MKS1: variants seen among roughly 807,000 people sequenced by gnomAD.
The protein encoded by MKS1 is tectonic-like complex member MKS1.
Under a neutral mutation model 83.7 loss-of-function variants are expected in MKS1, and 70 were observed. That is an observed-to-expected ratio of 0.84 (90% CI 0.69 to 1.02). The LOEUF (loss-of-function observed/expected upper bound fraction) is 1.02. MKS1 is among the 50% of genes least tolerant of loss of function. MKS1 has a pLI of 0.00. For missense variants in MKS1, 681 were observed against 726.9 expected, an observed-to-expected ratio of 0.94 and a Z score of 0.73; for synonymous variants, 251 against 273.4, an observed-to-expected ratio of 0.92 and a Z score of 0.81.
Position 58,207,886 on chromosome 17 carries a change from G to A in MKS1, c.1273+8C>T. Reference sequence around the variant, plus strand: ...GTGGGCCACAGAAGGGCAGAGACGAGCGGTTACCTGGAGTGGCAGGCAGCA... The same window carrying A: ...GTGGGCCACAGAAGGGCAGAGACGAACGGTTACCTGGAGTGGCAGGCAGCA... On this transcript the variant is annotated splice_region_variant and intron_variant, in intron 14 of 17. Coordinates refer to ENST00000393119, the MANE Select transcript of MKS1 (RefSeq NM_017777.4). 2 of 1,611,522 alleles carry A rather than the reference G, an allele frequency of 1.2e-6. No homozygotes were observed. Among genetic ancestry groups the A allele is most frequent in the Non-Finnish European group, 8.5e-7 (1 of 1,177,708 alleles).
Position 58,214,285 on chromosome 17 carries a change from G to A in MKS1, c.618C>T (p.Ile206=). The A allele has an allele frequency of 6.2e-7, 1 of 1,614,192 alleles. No homozygotes were observed. Among genetic ancestry groups the A allele is most frequent in the Non-Finnish European group, 8.5e-7 (1 of 1,180,036 alleles). ...VINTPLQTMH[I]MADLGPYKKL... is the part of the protein sequence containing the mutation. ...TTTTATAGGGCCCCAGGTCTGCCAT[G>A]ATGTGCATTGTCTGAAGAGGGGTGT... Residue 206 remains isoleucine, a synonymous_variant, in exon 6 of 18, where the codon ATC becomes ATT. Coordinates refer to ENST00000393119, the MANE Select transcript of MKS1 (RefSeq NM_017777.4).
intron 4 of MKS1, 120 bp from the exon 5 acceptor site, chr17:58,214,958 A>G: frequency 6.8e-7 from 1 of 1,474,780 alleles, no homozygotes; most frequent in Non-Finnish European, 9.1e-7. Context: ...AGGTTCCGCC[A>G]CCTCACAATT....
chr17:58,215,011 A>G (rs1250127200), intron 4 of MKS1, 173 bp from the exon 5 acceptor site: 16 of 966,686 alleles, frequency 1.7e-5, no homozygotes, highest in Non-Finnish European at 2.3e-5. Context: ...AACCCAAAGA[A>G]GATTTCTACC....
Position 58,214,290 on chromosome 17 carries a change from G to A in MKS1, c.613C>T (p.His205Tyr), listed in dbSNP as rs2143804286. Residue 205 changes from histidine (H) to tyrosine (Y), a missense_variant, in exon 6 of 18, where the codon CAC (histidine) becomes TAC (tyrosine). His to Tyr is a moderately conservative substitution (Grantham distance 83, BLOSUM62 2). Around this residue, in one of 3 missense-constraint regions of MKS1, gnomAD observed 365 missense variants for 383.8 expected, o/e 0.95. Coordinates refer to ENST00000393119, the MANE Select transcript of MKS1 (RefSeq NM_017777.4). ...TAGGGCCCCAGGTCTGCCATGATGT[G>A]CATTGTCTGAAGAGGGGTGTTAATG... ...HVINTPLQTM[H>Y]IMADLGPYKK... is the part of the protein sequence containing the mutation. 6.2e-7 allele frequency: 1 copy of A among 1,614,156 alleles called. No individual in the cohort carries two copies. Among genetic ancestry groups the A allele is most frequent in the Non-Finnish European group, 8.5e-7 (1 of 1,180,030 alleles).
Position 58,219,195 on chromosome 17 carries a change from C to T in MKS1, c.36G>A (p.Glu12=). ...CGGGGTCCCGGGAGCGATACACTGC[C>T]TCCCCGGTGTCAGTGCTCCAGACGG... is the stretch of plus-strand genomic sequence containing the variant. The part of the protein sequence containing the change: ...AETVWSTDTG[E]AVYRSRDPVR... The change falls in exon 1 of 18, where the codon GAG becomes GAA. Residue 12 remains glutamate (E), a synonymous_variant. Transcript: ENST00000393119. 2 of 1,551,202 alleles carry T rather than the reference C, an allele frequency of 1.3e-6. No homozygotes were observed. The highest frequency in any genetic ancestry group is 1.2e-5 in the South Asian group (1 of 84,062).
At position 58,208,616 on chromosome 17, in the gene MKS1, C is replaced by T. The variant is rs1440182640; in HGVS notation, c.1025-33G>A. ...CCAAAGACCAAATATAGTAAGCTCG[C>T]CTGGGAGGAAAGCAAGTCATTCAGA... On this transcript the variant is annotated intron_variant, in intron 11 of 17. Coordinates refer to ENST00000393119, the MANE Select transcript of MKS1 (RefSeq NM_017777.4). The T allele has an allele frequency of 3.1e-6, 5 of 1,596,850 alleles. No homozygotes were observed. In the African/African-American group the frequency reaches 4.0e-5, roughly 13 times the overall value.
In MKS1 at chr17:58,218,174, C is replaced by T. The variant is rs998798545; in HGVS notation, c.190+446G>A. On this transcript the variant is annotated intron_variant, in intron 2 of 17. Coordinates refer to ENST00000393119, the MANE Select transcript of MKS1 (RefSeq NM_017777.4). ...TTAAAAATGCCACAAATAGGACGGGCGCGGTGGCTCACGCCTGTAATCCCA... is the reference window on the plus strand; with the variant it reads ...TTAAAAATGCCACAAATAGGACGGGTGCGGTGGCTCACGCCTGTAATCCCA... Among the ~76,000 whole-genome samples, 5 of 152,070 alleles carry T rather than the reference C, an allele frequency of 3.3e-5. No individual in the cohort carries two copies. The East Asian group carries it at 5.8e-4, about 18-fold the overall frequency.
chr17:58,209,250 C>T lies in MKS1; in HGVS notation c.1025-667G>A, dbSNP rs1029259114. ...GGCGCTCCTCACTTCCCAGACGGGGCGGACAGTTTCTTTATTCATTTATTC... is the reference window on the plus strand; with the variant it reads ...GGCGCTCCTCACTTCCCAGACGGGGTGGACAGTTTCTTTATTCATTTATTC... On this transcript the variant is annotated intron_variant, in intron 11 of 17. Transcript: ENST00000393119. The surrounding 1 kb of genome is among the most constrained non-coding windows in gnomAD (Gnocchi z 4.1). Among the ~76,000 whole-genome samples, 2 of 151,946 alleles carry T rather than the reference C, an allele frequency of 1.3e-5. No individual in the cohort carries two copies. Among genetic ancestry groups the T allele is most frequent in the Admixed American group, 6.6e-5 (1 of 15,260 alleles).
rs201237547 is a variant in MKS1, at chr17:58,213,077, C to G, written c.763G>C (p.Gly255Arg). 76 of 1,614,066 alleles carry G rather than the reference C, an allele frequency of 4.7e-5. 2 individuals carry two copies. In the South Asian group the frequency reaches 6.0e-4, roughly 13 times the overall value. The change falls in exon 8 of 18, where the codon GGG (glycine) becomes CGG (arginine). Residue 255 changes from glycine to arginine, a missense_variant. This residue lies in a region of MKS1 where 365 missense variants were observed against 383.8 expected (regional missense o/e 0.95). Coordinates refer to ENST00000393119, the MANE Select transcript of MKS1 (RefSeq NM_017777.4). ...LKGPYRIETEGEKQELWKYTI... is the reference protein window; with the variant it reads ...LKGPYRIETEREKQELWKYTI... ...TATTTCCACAGCTCCTGCTTCTCCCCCTCCGTCTCAATCCTGTAAGGTCAA... is the reference window on the plus strand; with the variant it reads ...TATTTCCACAGCTCCTGCTTCTCCCGCTCCGTCTCAATCCTGTAAGGTCAA...
intron 9 of MKS1, chr17:58,211,238 C>T: frequency 1.7e-6 from 1 of 582,790 alleles, no homozygotes; most frequent in Non-Finnish European, 3.1e-6. Context: ...ATTTAAATGG[C>T]AGTGAGGACA....
chr17:58,212,757 A>G (rs1228394892), intron 8 of MKS1, among the ~76,000 whole-genome samples: 1 of 152,250 alleles, frequency 6.6e-6, no homozygotes, highest in African/African-American at 2.4e-5. Flanking sequence ...AGGTATGTAA[A>G]GTACCTAGCA....
chr17:58,207,197 G>T lies in MKS1; in HGVS notation c.1295C>A (p.Ser432Tyr). Residue 432 changes from serine to tyrosine, a missense_variant, in exon 15 of 18, where the codon TCC becomes TAC. Ser to Tyr is a moderately radical substitution (Grantham distance 144, BLOSUM62 -2). Coordinates refer to ENST00000393119, the MANE Select transcript of MKS1 (RefSeq NM_017777.4). ...ATPGSHTLTVSTWRPVELGTV... is the reference protein window; with the variant it reads ...ATPGSHTLTVYTWRPVELGTV... ...GCCAAGCTCCACAGGTCTCCACGTG[G>T]AGACTGTCAGGGTGTGTGAGCCTGC... The T allele has an allele frequency of 6.2e-7, 1 of 1,614,174 alleles. No homozygotes were observed. Among genetic ancestry groups the T allele is most frequent in the Non-Finnish European group, 8.5e-7 (1 of 1,180,044 alleles).
At chr17:58,214,656 T>C (rs2143807698) in intron 5 of MKS1, 85 bp downstream of exon 5, 1 of 1,404,400 alleles carries the variant, frequency 7.1e-7, no homozygotes, top group African/African-American at 1.4e-5. Context: ...GAATACTATA[T>C]ATAACCACTG....
chr17:58,218,917 C>A, intron 1 of MKS1, 188 bp from the exon 2 acceptor site: 1 of 825,768 alleles, frequency 1.2e-6, no homozygotes, highest in Non-Finnish European at 2.0e-6. Context: ...GTACTGGGGG[C>A]ACAGGGCTTT....
chr17:58,206,202 C>A, intron 17 of MKS1, 32 bp from the exon 18 acceptor site: 15 of 1,614,038 alleles, frequency 9.3e-6, no homozygotes, highest in Non-Finnish European at 1.3e-5. Context: ...TATTTGGCTG[C>A]CATATGGTAT....
intron 15 of MKS1, 34 bp downstream of exon 15, chr17:58,207,051 C>T (rs1968556760): frequency 1.9e-6 from 3 of 1,613,936 alleles, no homozygotes; most frequent in African/African-American, 1.3e-5. Flanking sequence ...ACCATAAGTT[C>T]TCAGCGTGAA....
intron 8 of MKS1, 124 bp from the exon 9 acceptor site, chr17:58,212,558 G>T: frequency 9.9e-7 from 1 of 1,013,672 alleles, no homozygotes; most frequent in Non-Finnish European, 1.5e-6. Context: ...GTAAGCACCT[G>T]ACTCACCGCC....
chr17:58,208,229 T>C (rs777722326), intron 12 of MKS1, 55 bp from the exon 13 acceptor site: 1 of 1,458,892 alleles, frequency 6.9e-7, no homozygotes, highest in African/African-American at 1.4e-5. Flanking sequence ...TCTGTTCTCC[T>C]TGTGGCCAAT....
chr17:58,212,849 T>C (rs2143792230), intron 8 of MKS1, 133 bp downstream of exon 8: 3 of 815,130 alleles, frequency 3.7e-6, no homozygotes, highest in Middle Eastern at 2.4e-4. Context: ...ATGTCAGCAA[T>C]GCTGCCTAAG....
Sources: allele counts gnomAD v4.1 joint callset (sites outside exome capture counted in the v4.1 genomes callset), GRCh38; gene constraint gnomAD v4.1.1; regional missense constraint gnomAD v4.1.1; non-coding constraint Gnocchi (gnomAD v3.1); transcripts MANE v1.5; gene names NCBI Gene and HGNC (gene_info 2026-07-23, HGNC 2026-07-21).